FAT3: variants seen among roughly 807,000 people sequenced by gnomAD.
The protein encoded by FAT3 is protocadherin Fat 3.
FAT3 carries 95 observed loss-of-function variants against 310.2 expected under a neutral mutation model. The observed-to-expected ratio is 0.31, with a 90% CI of 0.26 to 0.36. The LOEUF (loss-of-function observed/expected upper bound fraction) is 0.36. Among genes scored for constraint, FAT3 ranks in the 10% least tolerant of loss-of-function variants. The probability of loss-of-function intolerance (pLI) is 1.00; values close to 1 mark genes in which losing one functional copy is unlikely to be tolerated. For missense variants in FAT3, 5,408 were observed against 5,715.6 expected (o/e 0.95, Z 1.74); for synonymous variants, 2,314 against 2,192.9 (o/e 1.06, Z -1.54).
At chr11:92,815,716 G>A (rs765505326) in intron 13 of FAT3, among the ~76,000 whole-genome samples, 1 of 152,232 alleles carries the variant, frequency 6.6e-6, no homozygotes, top group Non-Finnish European at 1.5e-5. Flanking sequence ...TGGGCACCAG[G>A]TGAAGGTGCT....
intron 2 of FAT3, among the ~76,000 whole-genome samples, chr11:92,418,369 T>C (rs966989129): frequency 6.6e-6 from 1 of 151,354 alleles, no homozygotes; most frequent in Non-Finnish European, 1.5e-5. Context: ...AAAATTATTA[T>C]TTAGGAATAA....
chr11:92,727,870 G>A lies in FAT3; in HGVS notation c.3669+30425G>A, dbSNP rs557047482. ...AACCCCCGTTGCCATTTGCCATGCC[G>A]CCACTGAGGCTGGCCTCCCCAGATC... On this transcript the variant is annotated intron_variant, in intron 4 of 27. Transcript: ENST00000525166. Among the ~76,000 whole-genome samples the A allele has an allele frequency of 7.9e-5, 12 of 152,278 alleles. No individual in the cohort carries two copies. The South Asian group carries it at 1.0e-3, about 13-fold the overall frequency.
In FAT3 at chr11:92,883,534, C is replaced by T. The variant is rs923690051; in HGVS notation, c.12937+141C>T. On this transcript the variant is annotated intron_variant, in intron 24 of 27. Coordinates refer to ENST00000525166, the MANE Select transcript of FAT3 (RefSeq NM_001367949.2). The surrounding 1 kb of genome is among the most constrained non-coding windows in gnomAD (Gnocchi z 4.2). ...CATGTGCTGATGTCGAATGTGCACA[C>T]CAGCTCTGGAAAATTGTCCTGGTTC... The T allele has an allele frequency of 9.6e-6, 11 of 1,151,404 alleles. No homozygotes were observed. In the African/African-American group the frequency reaches 1.4e-4, roughly 15 times the overall value. The allele number at this position is 1,151,404 out of a possible 1,614,324, so 71.3% of individuals were successfully genotyped here. A position where few individuals can be genotyped will look rare whatever the true frequency, so the allele number is the denominator to read the frequency against.
chr11:92,715,574 T>TAC (rs954275099), intron 4 of FAT3, among the ~76,000 whole-genome samples: 1 of 151,808 alleles, frequency 6.6e-6, no homozygotes, highest in Non-Finnish European at 1.5e-5. Context: ...CACACACACA[T>TAC]ACACACACAC....
chr11:92,521,521 CCA>C (rs59975787), intron 2 of FAT3, among the ~76,000 whole-genome samples: 75,676 of 151,800 alleles, frequency 0.5, 19,279 homozygotes, highest in African/African-American at 0.62. Context: ...ATGTGCTATG[CCA>C]CACACGCATT....
intron 2 of FAT3, among the ~76,000 whole-genome samples, chr11:92,519,321 G>C (rs1403542107): frequency 6.6e-6 from 1 of 151,980 alleles, no homozygotes; most frequent in African/African-American, 2.4e-5. Flanking sequence ...CATGGGGCTG[G>C]AACAATGAAC....
intron 3 of FAT3, among the ~76,000 whole-genome samples, chr11:92,660,702 A>G (rs1385982217): frequency 2.6e-5 from 4 of 152,222 alleles, no homozygotes; most frequent in East Asian, 3.9e-4. Flanking sequence ...TGTGATTTCA[A>G]TCGTGGTCTT....
chr11:92,537,859 A>G (rs1340357453), intron 3 of FAT3, among the ~76,000 whole-genome samples: 1 of 152,180 alleles, frequency 6.6e-6, no homozygotes, highest in Non-Finnish European at 1.5e-5. Flanking sequence ...AAGAAGAGCT[A>G]TTCCCTGATG....
intron 4 of FAT3, among the ~76,000 whole-genome samples, chr11:92,724,635 G>A (rs1403741157): frequency 6.6e-6 from 1 of 152,158 alleles, no homozygotes; most frequent in Admixed American, 6.5e-5. Flanking sequence ...GTCTCATTAT[G>A]AAGATGATTT....
rs765822593 is a variant in FAT3, at chr11:92,702,863, C to CA, written c.3669+5427dup. ...CAGAGAGTGTTTTTTATTTGCAAATCAAAAAAAAATTAAAAAGAAGATGAC... is the reference window on the plus strand; with the variant it reads ...CAGAGAGTGTTTTTTATTTGCAAATCAAAAAAAAAATTAAAAAGAAGATGAC... On this transcript the variant is annotated intron_variant, in intron 4 of 27. Transcript: ENST00000525166. 7.2e-4 allele frequency among the ~76,000 whole-genome samples: 108 copies of CA among 149,640 alleles called. No homozygotes were observed. The East Asian group carries it at 0.019, about 27-fold the overall frequency.
intron 2 of FAT3, among the ~76,000 whole-genome samples, chr11:92,485,099 T>C (rs1952338317): frequency 2.0e-5 from 3 of 152,244 alleles, no homozygotes; most frequent in Admixed American, 2.0e-4. Flanking sequence ...TTTAAATATT[T>C]TGTTGACTTC....
intron 3 of FAT3, among the ~76,000 whole-genome samples, chr11:92,584,079 A>G (rs1402950183): frequency 6.6e-6 from 1 of 152,068 alleles, no homozygotes; most frequent in African/African-American, 2.4e-5. Context: ...CTAAAAGATT[A>G]TGTTGAATAC....
At chr11:92,239,551 C>A (rs906721924) in intron 1 of FAT3, among the ~76,000 whole-genome samples, 1 of 152,094 alleles carries the variant, frequency 6.6e-6, no homozygotes, top group Non-Finnish European at 1.5e-5. Flanking sequence ...TTATTGCCCC[C>A]TGCCTGAGTA....
chr11:92,414,413 T>C lies in FAT3; in HGVS notation c.3292+59009T>C, dbSNP rs1366721061. ...TCAATACAGAGTACTTTAAGTCAAT[T>C]AGAAAGTTATACTTCCTAGGTCATT... On this transcript the variant is annotated intron_variant, in intron 2 of 27. Transcript: ENST00000525166. Among the ~76,000 whole-genome samples the C allele has an allele frequency of 3.3e-5, 5 of 152,206 alleles. No homozygotes were observed. The East Asian group carries it at 9.6e-4, about 29-fold the overall frequency.
At chr11:92,440,890 T>C (rs1042028513) in intron 2 of FAT3, among the ~76,000 whole-genome samples, 1 of 152,208 alleles carries the variant, frequency 6.6e-6, no homozygotes, top group African/African-American at 2.4e-5. Context: ...TCACTAGCCA[T>C]GTGCCCTCAG....
intron 2 of FAT3, among the ~76,000 whole-genome samples, chr11:92,451,776 A>G (rs1318188575): frequency 2.0e-5 from 3 of 152,224 alleles, no homozygotes; most frequent in Non-Finnish European, 4.4e-5. Context: ...ATAGTGAAGA[A>G]GAAAGTTAAT....
intron 4 of FAT3, among the ~76,000 whole-genome samples, chr11:92,698,996 A>G (rs1565521733): frequency 6.6e-6 from 1 of 152,198 alleles, no homozygotes; most frequent in Admixed American, 6.5e-5. Context: ...TGTGACTGTC[A>G]CAGGACGGAT....
intron 13 of FAT3, among the ~76,000 whole-genome samples, chr11:92,829,440 A>T (rs1948183802): frequency 6.6e-6 from 1 of 152,144 alleles, no homozygotes; most frequent in African/African-American, 2.4e-5. Flanking sequence ...CATTTTTGTG[A>T]CTTGGAGAGG....
chr11:92,793,847 C>T (rs1947097443), intron 9 of FAT3, among the ~76,000 whole-genome samples: 1 of 151,952 alleles, frequency 6.6e-6, no homozygotes, highest in African/African-American at 2.4e-5. Context: ...AAATGTAGAG[C>T]ATTTTTGAGA....
Sources: allele counts gnomAD v4.1 joint callset (sites outside exome capture counted in the v4.1 genomes callset), GRCh38; gene constraint gnomAD v4.1.1; non-coding constraint Gnocchi (gnomAD v3.1); transcripts MANE v1.5; gene names NCBI Gene and HGNC (gene_info 2026-07-23, HGNC 2026-07-21).